The following NKAP variants were observed in gnomAD, a reference collection of about 807,000 sequenced individuals.
The protein encoded by NKAP is NF-kappa-B-activating protein.
Under a neutral mutation model 35.6 loss-of-function variants are expected in NKAP, and 4 were observed. The ratio of observed to expected loss-of-function variants is 0.11; its 90% CI spans 0.06 to 0.26. The LOEUF (loss-of-function observed/expected upper bound fraction) is 0.26, where lower values mean the gene tolerates loss of function less well. NKAP is among the 10% of genes least tolerant of loss of function. The pLI is 1.00. For missense variants in NKAP, 238 were observed against 321.9 expected, an observed-to-expected ratio of 0.74 and a Z score of 1.99; for synonymous variants, 106 against 119.2, an observed-to-expected ratio of 0.89 and a Z score of 0.72.
At chrX:119,942,682 T>G (rs2056798899) in intron 1 of NKAP, among the ~76,000 whole-genome samples, 1 of 111,219 alleles carries the variant, frequency 9.0e-6, no homozygotes, top group Non-Finnish European at 1.9e-5. Context: ...GAAGGTTTAT[T>G]TCCTCTCCAA....
intron 1 of NKAP, among the ~76,000 whole-genome samples, chrX:119,940,792 A>C (rs1437624399): frequency 8.9e-6 from 1 of 112,078 alleles, no homozygotes; most frequent in African/African-American, 3.2e-5. Context: ...GAATGTATGG[A>C]TATCGGGGGA....
At chrX:119,936,588 A>G (rs1451324966) in intron 3 of NKAP, 24 bp downstream of exon 3, 2 of 1,123,252 alleles carry the variant, frequency 1.8e-6, no homozygotes, top group Admixed American at 6.1e-5. Flanking sequence ...TTGTATTTTA[A>G]AAATACCCTT....
chrX:119,934,388 G>A (rs1254601789), intron 5 of NKAP, 106 bp downstream of exon 5: 11 of 450,778 alleles, frequency 2.4e-5, no homozygotes, highest in African/African-American at 1.5e-4. Context: ...AGCTGACATC[G>A]AACCACTGCA....
Position 119,943,542 on chromosome X carries a change from G to A in NKAP, c.64C>T (p.Arg22Cys). 8.3e-7 allele frequency: 1 copy of A among 1,207,596 alleles called. No individual in the cohort carries two copies. The highest frequency in any genetic ancestry group is 1.1e-6 in the Non-Finnish European group (1 of 892,693). ...REASGSGGRR[R>C]SSSKSPKPSK... ...GGCTTCGGACTCTTCGACGAACTGC[G>A]ACGTCTTCCCCCCGAGCCCGAGGCC... Residue 22 changes from arginine to cysteine, a missense_variant, in exon 1 of 9, where the codon CGC (arginine) becomes TGC (cysteine). Coordinates refer to ENST00000371410, the MANE Select transcript of NKAP (RefSeq NM_024528.4).
In NKAP at chrX:119,920,718, C is replaced by A; in HGVS notation, c.*4502G>T. ...GAGTAATAAACTTGTGGCACACAAT[C>A]CAGCTGTATTTTTTTGCATTCATTC... is the stretch of plus-strand genomic sequence containing the variant. On this transcript the variant is annotated 3_prime_UTR_variant, in exon 9 of 9. Transcript: ENST00000371410. 1 of 551,585 alleles carries A rather than the reference C, an allele frequency of 1.8e-6. No individual in the cohort carries two copies. Among genetic ancestry groups the A allele is most frequent in the Non-Finnish European group, 2.8e-6 (1 of 362,715 alleles). The allele number at this position is 551,585 out of a possible 1,213,427, so 45.5% of individuals were successfully genotyped here. A position where few individuals can be genotyped will look rare whatever the true frequency, so the allele number is the denominator to read the frequency against.
In NKAP at chrX:119,943,455, C is replaced by T; in HGVS notation, c.151G>A (p.Gly51Arg). Residue 51 changes from glycine (G) to arginine (R), a missense_variant, in exon 1 of 9, where the codon GGG (glycine) becomes AGG (arginine). Gly to Arg is a moderately radical substitution (Grantham distance 125, BLOSUM62 -2). This residue lies in a region of NKAP where 123 missense variants were observed against 115.3 expected (regional missense o/e 1.07). Transcript: ENST00000371410. ...RSRSHSCSRS[G>R]DRNGLTHQLG... ...TGATGGGTGAGTCCATTCCGGTCCC[C>T]GGACCGAGAGCAAGAGTGCGAGCGA... 8.3e-7 allele frequency: 1 copy of T among 1,210,896 alleles called. No individual in the cohort carries two copies. Among genetic ancestry groups the T allele is most frequent in the Non-Finnish European group, 1.1e-6 (1 of 894,824 alleles).
At position 119,934,547 on chromosome X, in the gene NKAP, G is replaced by A. The variant is rs762779847; in HGVS notation, c.684C>T (p.Asn228=). 9.1e-7 allele frequency: 1 copy of A among 1,101,713 alleles called. No individual in the cohort carries two copies. The highest frequency in any genetic ancestry group is 1.2e-6 in the Non-Finnish European group (1 of 842,488). 90.8% of individuals were successfully genotyped at this position (1,101,713 alleles called of 1,213,427 possible). A position where few individuals can be genotyped will look rare whatever the true frequency, so the allele number is the denominator to read the frequency against. The part of the protein sequence containing the change: ...DSETDSSDED[N]KRRAKKAKKK... The stretch of plus-strand genomic sequence containing the variant: ...TCTTGGCTTTCTTTGCTCTCCTTTT[G>A]TTATCTTCATCTGCAAATTAAAGCA... Residue 228 remains asparagine (N), a synonymous_variant, in exon 5 of 9, where the codon AAC becomes AAT. Coordinates refer to ENST00000371410, the MANE Select transcript of NKAP (RefSeq NM_024528.4).
intron 1 of NKAP, among the ~76,000 whole-genome samples, chrX:119,939,419 C>T (rs1325579314): frequency 1.8e-5 from 2 of 110,266 alleles, no homozygotes; most frequent in Admixed American, 9.6e-5. Flanking sequence ...CCTTAGTAGC[C>T]GGGATTACAG....
Position 119,943,716 on chromosome X carries a change from T to C in NKAP, c.-111A>G. The C allele has an allele frequency of 3.3e-6, 3 of 904,345 alleles. No individual in the cohort carries two copies. The highest frequency in any genetic ancestry group is 4.4e-6 in the Non-Finnish European group (3 of 674,528). 74.5% of individuals were successfully genotyped at this position (904,345 alleles called of 1,213,427 possible). On this transcript the variant is annotated 5_prime_UTR_variant, in exon 1 of 9. Coordinates refer to ENST00000371410, the MANE Select transcript of NKAP (RefSeq NM_024528.4). ...CTGCCGCTGCGGAACAGCCCAAATC[T>C]GAGGAAACCTTGGACACAGTTCTGG...
intron 7 of NKAP, among the ~76,000 whole-genome samples, chrX:119,930,839 CAAAAA>C (rs10707773): frequency 2.1e-5 from 2 of 97,398 alleles, no homozygotes; most frequent in Non-Finnish European, 4.1e-5. Context: ...CAAAACAAAA[CAAAAA>C]AAAAAAACAA....
At position 119,934,628 on chromosome X, in the gene NKAP, G is replaced by T. The variant is rs1603380265; in HGVS notation, c.674-71C>A. 3 of 704,587 alleles carry T rather than the reference G, an allele frequency of 4.3e-6. No individual in the cohort carries two copies. In the East Asian group the frequency reaches 1.1e-4, roughly 25 times the overall value. The allele number at this position is 704,587 out of a possible 1,213,427, so 58.1% of individuals were successfully genotyped here. A position where few individuals can be genotyped will look rare whatever the true frequency, so the allele number is the denominator to read the frequency against. ...CTAAAACCGTAGTACTTTTGAGTAG[G>T]TAACTATCCTATTGCTGTCCCATTT... On this transcript the variant is annotated intron_variant, in intron 4 of 8. Coordinates refer to ENST00000371410, the MANE Select transcript of NKAP (RefSeq NM_024528.4).
At chrX:119,938,380 C>A (rs867517141) in intron 2 of NKAP, among the ~76,000 whole-genome samples, 1 of 103,895 alleles carries the variant, frequency 9.6e-6, no homozygotes. Flanking sequence ...GACTCCATCT[C>A]AAAAAAAAAA....
At chrX:119,942,958 A>ACTCTCGGCAATATTCG (rs2056800332) in intron 1 of NKAP, 1 of 354,390 alleles carries the variant, frequency 2.8e-6, no homozygotes, top group South Asian at 6.0e-5. Flanking sequence ...GTAGGTCTGA[A>ACTCTCGGCAATATTCG]CTCTCGGCAA....
rs186754774 is a variant in NKAP, at chrX:119,941,979, T to C, written c.386+1241A>G. ...AGGAAAAGGCTCATAATTATTGCTGTGTAAGTCTTAATATCTTGTTTATTG... is the reference window on the plus strand; with the variant it reads ...AGGAAAAGGCTCATAATTATTGCTGCGTAAGTCTTAATATCTTGTTTATTG... On this transcript the variant is annotated intron_variant, in intron 1 of 8. Coordinates refer to ENST00000371410, the MANE Select transcript of NKAP (RefSeq NM_024528.4). Among the ~76,000 whole-genome samples, 108 of 112,247 alleles carry C rather than the reference T, an allele frequency of 9.6e-4. 1 individual carries two copies. The highest frequency in any genetic ancestry group is 3.3e-3 in the African/African-American group (101 of 30,953).
chrX:119,931,396 C>T (rs1216634771), intron 7 of NKAP, among the ~76,000 whole-genome samples: 2 of 109,153 alleles, frequency 1.8e-5, no homozygotes, highest in Non-Finnish European at 3.8e-5. Flanking sequence ...ATCCCAGTTA[C>T]TCAGGAGGCT....
At position 119,943,731 on chromosome X, in the gene NKAP, C is replaced by A; in HGVS notation, c.-126G>T. On this transcript the variant is annotated 5_prime_UTR_variant, in exon 1 of 9. Coordinates refer to ENST00000371410, the MANE Select transcript of NKAP (RefSeq NM_024528.4). ...AGCCCAAATCTGAGGAAACCTTGGA[C>A]ACAGTTCTGGGTACTTCTGCAAAAC... is the stretch of plus-strand genomic sequence containing the variant. 1.2e-6 allele frequency: 1 copy of A among 835,046 alleles called. No homozygotes were observed. The highest frequency in any genetic ancestry group is 3.5e-5 in the East Asian group (1 of 28,941). 68.8% of individuals were successfully genotyped at this position (835,046 alleles called of 1,213,427 possible). A position where few individuals can be genotyped will look rare whatever the true frequency, so the allele number is the denominator to read the frequency against.
intron 8 of NKAP, among the ~76,000 whole-genome samples, chrX:119,928,167 T>C (rs926917616): frequency 8.9e-6 from 1 of 112,484 alleles, no homozygotes; most frequent in Admixed American, 9.5e-5. Flanking sequence ...TAAGATTTAT[T>C]CTTAAGTCTC....
Position 119,925,051 on chromosome X carries a change from A to G in NKAP, c.*169T>C. On this transcript the variant is annotated 3_prime_UTR_variant, in exon 9 of 9. Coordinates refer to ENST00000371410, the MANE Select transcript of NKAP (RefSeq NM_024528.4). ...TCCAAAATAACCCAAAGAACTTGCT[A>G]AAGTTATATCAATAAGCAGCTTTTT... The G allele has an allele frequency of 1.9e-6, 1 of 515,102 alleles. No homozygotes were observed. The highest frequency in any genetic ancestry group is 3.1e-6 in the Non-Finnish European group (1 of 323,658). 42.5% of individuals were successfully genotyped at this position (515,102 alleles called of 1,213,427 possible).
intron 3 of NKAP, 63 bp downstream of exon 3, chrX:119,936,549 G>A (rs1450171159): frequency 1.3e-5 from 13 of 1,020,436 alleles, no homozygotes; most frequent in Non-Finnish European, 1.7e-5. Flanking sequence ...TTTACAAACT[G>A]ATTTTTTTAA....
Sources: allele counts gnomAD v4.1 joint callset (sites outside exome capture counted in the v4.1 genomes callset), GRCh38; gene constraint gnomAD v4.1.1; regional missense constraint gnomAD v4.1.1; transcripts MANE v1.5; gene names NCBI Gene and HGNC (gene_info 2026-07-23, HGNC 2026-07-21).